Variants in RSRC1 observed in about 807,000 individuals in gnomAD.
RSRC1 encodes the protein serine/Arginine-related protein 53.
Under a neutral mutation model 49.1 loss-of-function variants are expected in RSRC1, and 39 were observed. The observed-to-expected ratio is 0.79, with a 90% CI of 0.61 to 1.04. The LOEUF is 1.04. RSRC1 is among the 50% of genes least tolerant of loss of function. The probability of loss-of-function intolerance (pLI) is 0.00; values close to 1 mark genes in which losing one functional copy is unlikely to be tolerated. For synonymous variants in RSRC1, 143 were observed against 130.8 expected (o/e 1.09, Z -0.63); for missense variants, 388 against 402.4 (o/e 0.96, Z 0.31).
intron 4 of RSRC1, among the ~76,000 whole-genome samples, chr3:158,294,469 G>T (rs1463118089): frequency 6.6e-6 from 1 of 151,882 alleles, no homozygotes; most frequent in Non-Finnish European, 1.5e-5. Context: ...CTCTGGATAA[G>T]ATTATTATTT....
At chr3:158,137,947 G>T (rs1465661768) in intron 3 of RSRC1, among the ~76,000 whole-genome samples, 1 of 152,172 alleles carries the variant, frequency 6.6e-6, no homozygotes, top group Non-Finnish European at 1.5e-5. Context: ...ACAGGCTTGA[G>T]CCACTGTGCC....
chr3:158,216,679 G>A (rs1040016504), intron 4 of RSRC1, among the ~76,000 whole-genome samples: 5 of 151,682 alleles, frequency 3.3e-5, no homozygotes, highest in African/African-American at 1.2e-4. Flanking sequence ...AAAAAGGGTT[G>A]ATTCAAATTA....
chr3:158,433,323 C>G (rs1475397131), intron 6 of RSRC1, among the ~76,000 whole-genome samples: 1 of 151,868 alleles, frequency 6.6e-6, no homozygotes, highest in African/African-American at 2.4e-5. Flanking sequence ...ACTTGAAATT[C>G]TCCAGGTTAC....
At chr3:158,121,864 GA>G (rs1436975287) in intron 1 of RSRC1, among the ~76,000 whole-genome samples, 1 of 152,144 alleles carries the variant, frequency 6.6e-6, no homozygotes, top group Non-Finnish European at 1.5e-5. Context: ...ATTGAGGCCA[GA>G]AATGGTGGCT....
intron 4 of RSRC1, among the ~76,000 whole-genome samples, chr3:158,243,260 TG>T (rs1168297103): frequency 6.6e-6 from 1 of 152,202 alleles, no homozygotes; most frequent in Non-Finnish European, 1.5e-5. Flanking sequence ...TTCAGTTTTT[TG>T]CATATGGCTA....
chr3:158,521,022 C>T (rs1021136189), intron 7 of RSRC1, among the ~76,000 whole-genome samples: 3 of 152,024 alleles, frequency 2.0e-5, no homozygotes, highest in African/African-American at 7.2e-5. Flanking sequence ...TTGCAGATTT[C>T]TCCATCTGTA....
chr3:158,208,840 A>G (rs1203789399), intron 4 of RSRC1, among the ~76,000 whole-genome samples: 2 of 152,202 alleles, frequency 1.3e-5, no homozygotes, highest in Admixed American at 1.3e-4. Flanking sequence ...CATAATTGCA[A>G]TTTGATTTGA....
chr3:158,390,699 G>A (rs2108293652), intron 6 of RSRC1, among the ~76,000 whole-genome samples: 1 of 152,178 alleles, frequency 6.6e-6, no homozygotes, highest in East Asian at 1.9e-4. Flanking sequence ...TTAAACATCA[G>A]GCATGGGTAG....
chr3:158,114,301 G>T (rs942289238), intron 1 of RSRC1, among the ~76,000 whole-genome samples: 2 of 152,240 alleles, frequency 1.3e-5, no homozygotes, highest in East Asian at 3.9e-4. Flanking sequence ...AAGAACAGAT[G>T]GTTGTAGATG....
chr3:158,232,594 C>T (rs1012309993), intron 4 of RSRC1, among the ~76,000 whole-genome samples: 1 of 152,036 alleles, frequency 6.6e-6, no homozygotes, highest in African/African-American at 2.4e-5. Context: ...TCTAGAGATA[C>T]GTAGAAGTGA....
intron 6 of RSRC1, among the ~76,000 whole-genome samples, chr3:158,361,682 T>A (rs997188050): frequency 6.6e-6 from 1 of 152,236 alleles, no homozygotes; most frequent in Admixed American, 6.5e-5. Flanking sequence ...ATATGGTAGA[T>A]CCACAGACTT....
chr3:158,502,708 T>C (rs1739659678), intron 7 of RSRC1, among the ~76,000 whole-genome samples: 1 of 152,178 alleles, frequency 6.6e-6, no homozygotes, highest in South Asian at 2.1e-4. Flanking sequence ...CCAAGTTTCC[T>C]GAATTTTTTA....
chr3:158,494,211 C>G (rs1220186322), intron 7 of RSRC1, among the ~76,000 whole-genome samples: 1 of 152,096 alleles, frequency 6.6e-6, no homozygotes, highest in Admixed American at 6.6e-5. Context: ...ATGGTATAGC[C>G]CGCTGCTCCT....
At chr3:158,279,199 G>A (rs1347545911) in intron 4 of RSRC1, among the ~76,000 whole-genome samples, 3 of 152,168 alleles carry the variant, frequency 2.0e-5, no homozygotes, top group Non-Finnish European at 2.9e-5. Context: ...GATTTTTTGT[G>A]TGCCTTGAGC....
rs74766852 is a variant in RSRC1 at position 158,170,235 on chromosome 3, A to G, written c.321-32837A>G. Among the ~76,000 whole-genome samples, 190 of 149,056 alleles carry G rather than the reference A, an allele frequency of 1.3e-3. 2 individuals carry two copies. The East Asian group carries it at 0.029, about 23-fold the overall frequency. On this transcript the variant is annotated intron_variant, in intron 3 of 9. Coordinates refer to ENST00000611884, the MANE Select transcript of RSRC1 (RefSeq NM_001271838.2). Reference sequence around the variant, plus strand: ...CAGCTGTTGCAAAACTTGAAGCCAGATTTTTTGTTTAATTCTAGCAAATAT... The same window carrying G: ...CAGCTGTTGCAAAACTTGAAGCCAGGTTTTTTGTTTAATTCTAGCAAATAT...
chr3:158,194,076 CA>C (rs1720399060), intron 3 of RSRC1, among the ~76,000 whole-genome samples: 1 of 144,954 alleles, frequency 6.9e-6, no homozygotes, highest in Non-Finnish European at 1.5e-5. Context: ...CACACACACA[CA>C]CACACACACA....
intron 6 of RSRC1, among the ~76,000 whole-genome samples, chr3:158,363,128 A>G (rs1731569330): frequency 6.6e-6 from 1 of 152,198 alleles, no homozygotes; most frequent in African/African-American, 2.4e-5. Flanking sequence ...TTTGACTCAT[A>G]TCACTGCATG....
intron 3 of RSRC1, among the ~76,000 whole-genome samples, chr3:158,175,854 C>A (rs1166751114): frequency 1.3e-5 from 2 of 152,040 alleles, no homozygotes; most frequent in Non-Finnish European, 2.9e-5. Context: ...CGCCTTATTT[C>A]ATTAATTTGA....
At chr3:158,542,978 A>T (rs900188109) in intron 8 of RSRC1, among the ~76,000 whole-genome samples, 1 of 152,166 alleles carries the variant, frequency 6.6e-6, no homozygotes, top group African/African-American at 2.4e-5. Flanking sequence ...TCAATAGTAT[A>T]GGCACGTAAG....
Sources: allele counts gnomAD v4.1 joint callset (sites outside exome capture counted in the v4.1 genomes callset), GRCh38; gene constraint gnomAD v4.1.1; transcripts MANE v1.5; gene names NCBI Gene and HGNC (gene_info 2026-07-23, HGNC 2026-07-21).